The following AUTS2 variants were observed in gnomAD, a reference collection of about 807,000 sequenced individuals.
AUTS2 encodes the protein activator of transcription and developmental regulator AUTS2.
A neutral mutation model predicts 112.4 loss-of-function variants in AUTS2; 17 were observed. That is an observed-to-expected ratio of 0.15 (90% CI 0.10 to 0.23). The LOEUF (loss-of-function observed/expected upper bound fraction) is 0.23, where lower values mean the gene tolerates loss of function less well. Among genes scored for constraint, AUTS2 ranks in the 10% least tolerant of loss-of-function variants. AUTS2 has a pLI of 1.00. For synonymous variants in AUTS2, 751 were observed against 702.7 expected (o/e 1.07, Z -1.09); for missense variants, 1,510 against 1,701.6 (o/e 0.89, Z 1.98).
At chr7:70,446,451 G>T (rs916962005) in intron 5 of AUTS2, among the ~76,000 whole-genome samples, 9 of 151,988 alleles carry the variant, frequency 5.9e-5, no homozygotes, top group Admixed American at 6.6e-5. Flanking sequence ...CCCTTTTTTT[G>T]TACCCATTTT....
intron 4 of AUTS2, among the ~76,000 whole-genome samples, chr7:70,242,454 T>C (rs1812668424): frequency 6.6e-6 from 1 of 152,358 alleles, no homozygotes; most frequent in African/African-American, 2.4e-5. Context: ...TATTGGTCTG[T>C]ATTCTACTTT....
At position 70,787,222 on chromosome 7, in the gene AUTS2, G is replaced by T. The variant is rs537105723; in HGVS notation, c.2322G>T (p.Met774Ile). ...LGNPSVTPNS[M>I]FGHKDGPSVQ... The stretch of plus-strand genomic sequence containing the variant: ...TCACCATTTCAGCACCCAACTCAAT[G>T]TTCGGCCACAAGGATGGCCCCAGTG... Residue 774 changes from methionine to isoleucine, a missense_variant, in exon 18 of 19, where the codon ATG becomes ATT. Around this residue, in one of 3 missense-constraint regions of AUTS2, gnomAD observed 788 missense variants for 797.6 expected, o/e 0.99. Coordinates refer to ENST00000342771, the MANE Select transcript of AUTS2 (RefSeq NM_015570.4). 3 of 1,614,166 alleles carry T rather than the reference G, an allele frequency of 1.9e-6. No individual in the cohort carries two copies. Among genetic ancestry groups the T allele is most frequent in the Non-Finnish European group, 2.5e-6 (3 of 1,180,036 alleles).
intron 2 of AUTS2, among the ~76,000 whole-genome samples, chr7:70,044,416 T>C (rs1801408141): frequency 6.6e-6 from 1 of 152,186 alleles, no homozygotes; most frequent in South Asian, 2.1e-4. Flanking sequence ...GACATTCTCC[T>C]TCCCCCCACC....
intron 5 of AUTS2, among the ~76,000 whole-genome samples, chr7:70,683,257 T>G (rs1052290405): frequency 1.4e-5 from 2 of 143,184 alleles, no homozygotes; most frequent in African/African-American, 4.9e-5. Context: ...TGGAAAGGAC[T>G]TTGCAGTTTA....
intron 4 of AUTS2, among the ~76,000 whole-genome samples, chr7:70,431,972 T>C (rs981848277): frequency 6.6e-6 from 1 of 152,242 alleles, no homozygotes; most frequent in Non-Finnish European, 1.5e-5. Context: ...GGTCATGTCT[T>C]TGTCTGAAGG....
intron 4 of AUTS2, among the ~76,000 whole-genome samples, chr7:70,393,095 G>A (rs75335417): frequency 0.049 from 7,467 of 152,256 alleles, 271 homozygotes; most frequent in Middle Eastern, 0.11. Context: ...GTAGGGGAGC[G>A]GGCCAAAGAG....
intron 1 of AUTS2, among the ~76,000 whole-genome samples, chr7:69,655,720 G>A (rs1022358641): frequency 4.6e-5 from 7 of 152,132 alleles, no homozygotes; most frequent in African/African-American, 1.7e-4. Flanking sequence ...ATGTGATATT[G>A]AGAATATATG....
At chr7:70,170,446 A>G (rs776296789) in intron 4 of AUTS2, among the ~76,000 whole-genome samples, 2 of 151,996 alleles carry the variant, frequency 1.3e-5, no homozygotes, top group Non-Finnish European at 2.9e-5. Context: ...CACTGCGCCT[A>G]GCCTAAATAT....
chr7:70,159,034 T>G (rs1807938318), intron 4 of AUTS2, among the ~76,000 whole-genome samples: 1 of 152,218 alleles, frequency 6.6e-6, no homozygotes, highest in Non-Finnish European at 1.5e-5. Context: ...TTTATTGCCC[T>G]GCTTTCTTTT....
intron 2 of AUTS2, among the ~76,000 whole-genome samples, chr7:70,044,805 C>T (rs1554435125): frequency 6.6e-6 from 1 of 152,062 alleles, no homozygotes; most frequent in Non-Finnish European, 1.5e-5. Context: ...AAGAAAATGT[C>T]AGGGTAAGAT....
At chr7:70,168,001 G>A (rs1808472041) in intron 4 of AUTS2, among the ~76,000 whole-genome samples, 2 of 152,276 alleles carry the variant, frequency 1.3e-5, no homozygotes, top group South Asian at 2.1e-4. Context: ...TTGGCATAAG[G>A]ACGTACTAAG....
chr7:70,478,365 G>A (rs957805854), intron 5 of AUTS2, among the ~76,000 whole-genome samples: 2 of 151,974 alleles, frequency 1.3e-5, no homozygotes, highest in African/African-American at 4.8e-5. Flanking sequence ...TGGACACAGA[G>A]GCCTCCCATT....
chr7:70,520,126 T>G (rs940072216), intron 5 of AUTS2, among the ~76,000 whole-genome samples: 2 of 152,188 alleles, frequency 1.3e-5, no homozygotes, highest in African/African-American at 4.8e-5. Context: ...GTCCTCTTTA[T>G]CTCTTTTTTT....
At chr7:70,000,950 A>G (rs1451578552) in intron 2 of AUTS2, among the ~76,000 whole-genome samples, 5 of 152,210 alleles carry the variant, frequency 3.3e-5, no homozygotes, top group Non-Finnish European at 7.3e-5. Context: ...GAAGCTTGGC[A>G]TTCAACCCAG....
At chr7:70,414,983 A>G (rs1350652856) in intron 4 of AUTS2, among the ~76,000 whole-genome samples, 4 of 152,136 alleles carry the variant, frequency 2.6e-5, no homozygotes, top group Non-Finnish European at 4.4e-5. Flanking sequence ...ACTGTTTGGG[A>G]CTGGGTTGAT....
At chr7:69,831,026 T>C (rs749540776) in intron 1 of AUTS2, among the ~76,000 whole-genome samples, 1 of 152,170 alleles carries the variant, frequency 6.6e-6, no homozygotes, top group Non-Finnish European at 1.5e-5. Flanking sequence ...AAGGCTTTCA[T>C]AGACAGCCTG....
chr7:70,787,435 C>A lies in AUTS2; in HGVS notation c.2531+4C>A. On this transcript the variant is annotated splice_donor_region_variant and intron_variant, in intron 18 of 18. Coordinates refer to ENST00000342771, the MANE Select transcript of AUTS2 (RefSeq NM_015570.4). ...TTAGTAAAGATGACAAAGAAAGGTACGGAAAGAAACCGCTCTCGAGTCCCC... is the reference window on the plus strand; with the variant it reads ...TTAGTAAAGATGACAAAGAAAGGTAAGGAAAGAAACCGCTCTCGAGTCCCC... The A allele has an allele frequency of 6.2e-7, 1 of 1,601,306 alleles. No homozygotes were observed. Among genetic ancestry groups the A allele is most frequent in the Non-Finnish European group, 8.5e-7 (1 of 1,170,486 alleles).
At chr7:70,471,732 G>A (rs139305841) in intron 5 of AUTS2, among the ~76,000 whole-genome samples, 107 of 152,220 alleles carry the variant, frequency 7.0e-4, no homozygotes, top group South Asian at 2.5e-3. Context: ...CAGTGGGGAG[G>A]GATGCAAGGA....
chr7:69,651,149 C>G (rs1157509331), intron 1 of AUTS2, among the ~76,000 whole-genome samples: 1 of 152,146 alleles, frequency 6.6e-6, no homozygotes, highest in Non-Finnish European at 1.5e-5. Context: ...GTGAGGACTG[C>G]CTGGGCGTGA....
Sources: allele counts gnomAD v4.1 joint callset (sites outside exome capture counted in the v4.1 genomes callset), GRCh38; gene constraint gnomAD v4.1.1; regional missense constraint gnomAD v4.1.1; transcripts MANE v1.5; gene names NCBI Gene and HGNC (gene_info 2026-07-23, HGNC 2026-07-21).